The following BDP1 variants were observed in gnomAD, a reference collection of about 807,000 sequenced individuals.
BDP1 encodes the protein transcription factor TFIIIB component B'' homolog.
A neutral mutation model predicts 266.6 loss-of-function variants in BDP1; 169 were observed. The observed-to-expected ratio is 0.63, with a 90% CI of 0.56 to 0.72. The LOEUF (loss-of-function observed/expected upper bound fraction) is 0.72, where lower values mean the gene tolerates loss of function less well. BDP1 is among the 30% of genes least tolerant of loss of function. The probability of loss-of-function intolerance (pLI) is 0.00; values close to 1 mark genes in which losing one functional copy is unlikely to be tolerated. For missense variants in BDP1, 3,015 were observed against 3,053.8 expected (o/e 0.99, Z 0.30); for synonymous variants, 1,090 against 1,022.4 (o/e 1.07, Z -1.26).
At chr5:71,476,323 T>C (rs754457748) in intron 7 of BDP1, 1 of 152,510 alleles carries the variant, frequency 6.6e-6, no homozygotes, top group Non-Finnish European at 1.5e-5. Context: ...CAGCTGTTTA[T>C]TGGTTTATTA....
chr5:71,565,199 A>G lies in BDP1; in HGVS notation c.*314A>G, dbSNP rs184530629. On this transcript the variant is annotated 3_prime_UTR_variant, in exon 39 of 39. Coordinates refer to ENST00000358731, the MANE Select transcript of BDP1 (RefSeq NM_018429.3). ...ACATGGACATTTGGGAATGTTGTGG[A>G]TATATGTCTCTGTATGAATTGCAGT... 4.2e-5 allele frequency: 9 copies of G among 215,804 alleles called. No individual in the cohort carries two copies. The highest frequency in any genetic ancestry group is 7.3e-5 in the Non-Finnish European group (8 of 109,952). The allele number at this position is 215,804 out of a possible 1,614,324, so 13.4% of individuals were successfully genotyped here. A position where few individuals can be genotyped will look rare whatever the true frequency, so the allele number is the denominator to read the frequency against.
intron 26 of BDP1, among the ~76,000 whole-genome samples, chr5:71,535,271 G>A (rs1409385808): frequency 2.0e-5 from 3 of 151,028 alleles, no homozygotes; most frequent in African/African-American, 7.3e-5. Flanking sequence ...GCGCAATCTT[G>A]GAGGCTCACT....
intron 7 of BDP1, among the ~76,000 whole-genome samples, chr5:71,480,111 ATT>A (rs879261553): frequency 1.4e-5 from 2 of 143,098 alleles, no homozygotes; most frequent in African/African-American, 2.6e-5. Flanking sequence ...TGCCTGGCTA[ATT>A]TTTTTTTTTT....
chr5:71,535,035 T>A (rs1389436840), intron 26 of BDP1, among the ~76,000 whole-genome samples: 1 of 152,232 alleles, frequency 6.6e-6, no homozygotes, highest in Non-Finnish European at 1.5e-5. Flanking sequence ...TCCTGCAACT[T>A]CTTTGGTGGA....
At chr5:71,539,816 A>T (rs573397064) in intron 28 of BDP1, among the ~76,000 whole-genome samples, 167 bp downstream of exon 28, 7 of 152,030 alleles carry the variant, frequency 4.6e-5, no homozygotes, top group African/African-American at 1.7e-4. Flanking sequence ...CTATTTTACT[A>T]CTGTTTAGGT....
intron 35 of BDP1, 36 bp downstream of exon 35, chr5:71,553,356 TTAAG>T (rs751203425): frequency 2.8e-6 from 4 of 1,443,672 alleles, no homozygotes; most frequent in Non-Finnish European, 3.9e-6. Flanking sequence ...AATATGGCCA[TTAAG>T]TAAGATGGCC....
chr5:71,566,751 G>C lies in BDP1; in HGVS notation c.*1866G>C, dbSNP rs1744058209. 1 of 152,176 alleles carries C rather than the reference G, an allele frequency of 6.6e-6. No individual in the cohort carries two copies. The highest frequency in any genetic ancestry group is 2.4e-5 in the African/African-American group (1 of 41,436). 9.4% of individuals were successfully genotyped at this position (152,176 alleles called of 1,614,324 possible). A position where few individuals can be genotyped will look rare whatever the true frequency, so the allele number is the denominator to read the frequency against. Reference sequence around the variant, plus strand: ...ACCCTGAGGTGCTGATATCTGTATGGATGAGTTATTTGTCACTAAAGTTAT... The same window carrying C: ...ACCCTGAGGTGCTGATATCTGTATGCATGAGTTATTTGTCACTAAAGTTAT... On this transcript the variant is annotated 3_prime_UTR_variant, in exon 39 of 39. Coordinates refer to ENST00000358731, the MANE Select transcript of BDP1 (RefSeq NM_018429.3).
At chr5:71,509,169 A>C (rs895897954) in intron 16 of BDP1, among the ~76,000 whole-genome samples, 10 of 152,198 alleles carry the variant, frequency 6.6e-5, no homozygotes, top group South Asian at 2.1e-4. Flanking sequence ...TTTCCCAGTC[A>C]GTATTTATAA....
chr5:71,572,747 G>T (rs1271369396), downstream of BDP1, among the ~76,000 whole-genome samples: 1 of 152,170 alleles, frequency 6.6e-6, no homozygotes. Flanking sequence ...TGGAAGATTG[G>T]GACAGAGCAG....
rs1365461205 is a variant in BDP1, at chr5:71,491,002, G to T, written c.1511G>T (p.Arg504Met). ...TTTGTAGATAAATGTCAGGCTATAA[G>T]GCCTGAGCTAAAGGAAGGTGAATGC... Reference protein sequence around the residue: ...EKHKNKCQAIRPELKEGECSK... With the variant: ...EKHKNKCQAIMPELKEGECSK... The change falls in exon 11 of 39, where the codon AGG (arginine) becomes ATG (methionine). Residue 504 changes from arginine to methionine, a missense_variant. Arg to Met is a moderately conservative substitution (Grantham distance 91). This residue lies in a region of BDP1 where 2,383 missense variants were observed against 2,404.9 expected (regional missense o/e 0.99). Coordinates refer to ENST00000358731, the MANE Select transcript of BDP1 (RefSeq NM_018429.3). 1 of 1,610,658 alleles carries T rather than the reference G, an allele frequency of 6.2e-7. No homozygotes were observed. Among genetic ancestry groups the T allele is most frequent in the Admixed American group, 1.7e-5 (1 of 59,508 alleles).
rs923514804 is a variant in BDP1 at position 71,473,399 on chromosome 5, C to T, written c.1014+2910C>T. ...ATGCCCTTCTCCTGCCTCAGCCTCC[C>T]GAGTAGCTGGGACTACAGGCACCCG... On this transcript the variant is annotated intron_variant, in intron 7 of 38. Transcript: ENST00000358731. 3.3e-5 allele frequency among the ~76,000 whole-genome samples: 5 copies of T among 149,748 alleles called. No homozygotes were observed. In the South Asian group the frequency reaches 6.4e-4, roughly 19 times the overall value.
intron 7 of BDP1, among the ~76,000 whole-genome samples, chr5:71,482,185 A>C (rs1763006883): frequency 6.6e-6 from 1 of 152,170 alleles, no homozygotes; most frequent in Admixed American, 6.5e-5. Flanking sequence ...GGGTATTTCC[A>C]CCAGGCCTGT....
rs186141251 is a variant in BDP1, at chr5:71,509,884, A to C, written c.2792A>C (p.Glu931Ala). The C allele has an allele frequency of 6.2e-7, 1 of 1,614,126 alleles. No homozygotes were observed. The highest frequency in any genetic ancestry group is 1.3e-5 in the African/African-American group (1 of 75,040). The change falls in exon 17 of 39, where the codon GAA (glutamate) becomes GCA (alanine). Residue 931 changes from glutamate (E) to alanine (A), a missense_variant. By Grantham distance (107) the Glu-to-Ala change is moderately radical. Transcript: ENST00000358731. ...ATEEIDKDLE[E>A]AGRREISPQK... is the part of the protein sequence containing the mutation. The stretch of plus-strand genomic sequence containing the variant: ...GAGGAAATAGACAAAGATTTGGAAG[A>C]AGCTGGAAGAAGAGAAATATCCCCA...
At chr5:71,521,714 C>T (rs142533123) in intron 22 of BDP1, among the ~76,000 whole-genome samples, 205 of 152,276 alleles carry the variant, frequency 1.3e-3, no homozygotes, top group Middle Eastern at 0.01. Flanking sequence ...AATGCTAAAA[C>T]GTCTTTTTGT....
At chr5:71,523,282 A>T (rs1252950710) in intron 24 of BDP1, among the ~76,000 whole-genome samples, 2 of 152,084 alleles carry the variant, frequency 1.3e-5, no homozygotes, top group African/African-American at 4.8e-5. Context: ...AACTAATACC[A>T]CATTTGATCT....
At chr5:71,459,119 A>G (rs1481683461) in intron 2 of BDP1, among the ~76,000 whole-genome samples, 1 of 152,224 alleles carries the variant, frequency 6.6e-6, no homozygotes, top group Non-Finnish European at 1.5e-5. Context: ...ATACGCATAC[A>G]CATAGATGCA....
chr5:71,462,191 T>C (rs748465518), intron 3 of BDP1, among the ~76,000 whole-genome samples: 6 of 152,074 alleles, frequency 3.9e-5, no homozygotes, highest in Non-Finnish European at 8.8e-5. Flanking sequence ...TTAAACTCCT[T>C]ACCTCGGGTG....
At chr5:71,572,012 T>A (rs936370324), downstream of BDP1, among the ~76,000 whole-genome samples, 1 of 152,224 alleles carries the variant, frequency 6.6e-6, no homozygotes. Flanking sequence ...AACTCACTTC[T>A]GTGCCTGCCC....
rs1239521230 is a variant in BDP1 at position 71,455,993 on chromosome 5, C to T, written c.116C>T (p.Pro39Leu). The change falls in exon 1 of 39, where the codon CCT becomes CTT. Residue 39 changes from proline to leucine, a missense_variant. Pro to Leu is a moderately conservative substitution (Grantham distance 98). Coordinates refer to ENST00000358731, the MANE Select transcript of BDP1 (RefSeq NM_018429.3). The stretch of plus-strand genomic sequence containing the variant: ...CGGGAGTCTCCCAGGCCGCCGGATC[C>T]TGCCACGGACTCTGCTTCCAAGCCC... ...RGRESPRPPD[P>L]ATDSASKPAE... is the part of the protein sequence containing the mutation. 6.2e-7 allele frequency: 1 copy of T among 1,613,558 alleles called. No individual in the cohort carries two copies. The highest frequency in any genetic ancestry group is 1.7e-4 in the Middle Eastern group (1 of 6,060).
Sources: gnomAD v4.1 joint callset for allele counts (sites outside exome capture counted in the v4.1 genomes callset) on GRCh38, gnomAD v4.1.1 for gene constraint, gnomAD v4.1.1 regional missense constraint, MANE v1.5 for transcripts, NCBI Gene and HGNC (gene_info 2026-07-23, HGNC 2026-07-21) for gene names.